Variants in EFCAB6 observed in about 807,000 individuals in gnomAD.
The protein encoded by EFCAB6 is EF-hand calcium-binding domain-containing protein 6.
EFCAB6 carries 156 observed loss-of-function variants against 169.8 expected under a neutral mutation model. The ratio of observed to expected loss-of-function variants is 0.92; its 90% CI spans 0.81 to 1.05. The LOEUF is 1.05. EFCAB6 is among the 50% of genes least tolerant of loss of function. The probability of loss-of-function intolerance (pLI) is 0.00; values close to 1 mark genes in which losing one functional copy is unlikely to be tolerated. For synonymous variants in EFCAB6, 698 were observed against 676.4 expected (o/e 1.03, Z -0.50); for missense variants, 1,800 against 1,829.1 (o/e 0.98, Z 0.29).
chr22:43,612,690 G>T (rs1000775085), intron 21 of EFCAB6, among the ~76,000 whole-genome samples: 1 of 152,016 alleles, frequency 6.6e-6, no homozygotes, highest in African/African-American at 2.4e-5. Context: ...TCAGGAGTTC[G>T]AGACCAGCCT....
chr22:43,603,614 T>C lies in EFCAB6; in HGVS notation c.2682-3351A>G, dbSNP rs764767171. ...CTTTCCGCTCAGTTTAGGCACTTAA[T>C]TCCCACATACATTTCAGAAGTATCT... On this transcript the variant is annotated intron_variant, in intron 22 of 31. Transcript: ENST00000262726. Among the ~76,000 whole-genome samples, 5 of 152,268 alleles carry C rather than the reference T, an allele frequency of 3.3e-5. No homozygotes were observed. In the South Asian group the frequency reaches 6.2e-4, roughly 19 times the overall value.
intron 6 of EFCAB6, among the ~76,000 whole-genome samples, chr22:43,745,707 T>C (rs2060537018): frequency 6.6e-6 from 1 of 152,214 alleles, no homozygotes; most frequent in South Asian, 2.1e-4. Context: ...TGAAAAAGGA[T>C]TTCTCTTACA....
At chr22:43,530,712 C>T (rs556052088) in intron 31 of EFCAB6, 103 bp downstream of exon 31, 3 of 1,558,828 alleles carry the variant, frequency 1.9e-6, no homozygotes, top group South Asian at 2.5e-5. Context: ...CAGGTCACAC[C>T]GGGCCTTCGG....
intron 29 of EFCAB6, chr22:43,535,192 C>T (rs2047312869): frequency 7.8e-6 from 2 of 255,662 alleles, no homozygotes; most frequent in Non-Finnish European, 7.4e-6. Context: ...CGTGTCAGGG[C>T]AGAGTCAGGT....
At chr22:43,651,353 C>T (rs2056457489) in intron 17 of EFCAB6, among the ~76,000 whole-genome samples, 2 of 152,238 alleles carry the variant, frequency 1.3e-5, no homozygotes, top group South Asian at 4.1e-4. Flanking sequence ...TGGCAGCTTC[C>T]ACATGGTGTT....
intron 21 of EFCAB6, among the ~76,000 whole-genome samples, chr22:43,614,101 A>G (rs886164831): frequency 5.0e-5 from 7 of 140,358 alleles, no homozygotes; most frequent in Admixed American, 8.0e-5. Context: ...CCAAATCACA[A>G]TCCCAGCAAA....
intron 26 of EFCAB6, among the ~76,000 whole-genome samples, chr22:43,557,202 C>T (rs1007651486): frequency 6.6e-6 from 1 of 152,106 alleles, no homozygotes; most frequent in Non-Finnish European, 1.5e-5. Flanking sequence ...CCACTTTTTG[C>T]CTTGGTTTCC....
intron 17 of EFCAB6, among the ~76,000 whole-genome samples, chr22:43,659,514 T>A (rs1040811826): frequency 6.6e-6 from 1 of 151,900 alleles, no homozygotes; most frequent in African/African-American, 2.4e-5. Flanking sequence ...GTAAAAATTA[T>A]CCGGGTGTGG....
At chr22:43,638,206 G>T (rs2147947101) in intron 17 of EFCAB6, among the ~76,000 whole-genome samples, 1 of 152,316 alleles carries the variant, frequency 6.6e-6, no homozygotes, top group African/African-American at 2.4e-5. Flanking sequence ...TTTCTAAGAT[G>T]AACACAGCAG....
intron 2 of EFCAB6, among the ~76,000 whole-genome samples, chr22:43,794,569 A>G (rs907857237): frequency 6.6e-6 from 1 of 152,228 alleles, no homozygotes; most frequent in South Asian, 2.1e-4. Context: ...CATATATTTG[A>G]TATGGCAGTA....
chr22:43,540,518 C>T lies in EFCAB6; in HGVS notation c.3649-161G>A, dbSNP rs369720427. On this transcript the variant is annotated intron_variant, in intron 27 of 31. Coordinates refer to ENST00000262726, the MANE Select transcript of EFCAB6 (RefSeq NM_022785.4). Reference sequence around the variant, plus strand: ...AAAAATAAAACGCCCATTTGGCCTTCGCTCGGCGGAGGCCTCAGGAAGACT... The same window carrying T: ...AAAAATAAAACGCCCATTTGGCCTTTGCTCGGCGGAGGCCTCAGGAAGACT... 115 of 1,532,024 alleles carry T rather than the reference C, an allele frequency of 7.5e-5. 1 individual carries two copies. In the East Asian group the frequency reaches 1.2e-3, roughly 15 times the overall value. The allele number at this position is 1,532,024 out of a possible 1,614,324, so 94.9% of individuals were successfully genotyped here. A position where few individuals can be genotyped will look rare whatever the true frequency, so the allele number is the denominator to read the frequency against.
At chr22:43,742,519 G>A (rs1451835332) in intron 6 of EFCAB6, among the ~76,000 whole-genome samples, 1 of 152,236 alleles carries the variant, frequency 6.6e-6, no homozygotes, top group South Asian at 2.1e-4. Flanking sequence ...ACGAGGAAAA[G>A]CACTGAAGAT....
chr22:43,678,947 A>AG (rs2057892017), intron 12 of EFCAB6, among the ~76,000 whole-genome samples: 1 of 152,186 alleles, frequency 6.6e-6, no homozygotes, highest in Admixed American at 6.5e-5. Context: ...GGTTCTCTTG[A>AG]GGGGTAAATT....
At chr22:43,740,698 C>T (rs963039958) in intron 6 of EFCAB6, among the ~76,000 whole-genome samples, 13 of 152,116 alleles carry the variant, frequency 8.5e-5, no homozygotes, top group African/African-American at 3.1e-4. Context: ...TGAGTGCAGC[C>T]GAGAGGGAAA....
At position 43,615,914 on chromosome 22, in the gene EFCAB6, T is replaced by A. The variant is rs1297642410; in HGVS notation, c.2474A>T (p.Gln825Leu). ...AGCTAGTTCTGAATCCGCAACCTTC[T>A]GTTTTGGTCTTAAAAGAAAAAAAAT... Reference protein sequence around the residue: ...EAPQRLIRPKQKVADSELACE... With the variant: ...EAPQRLIRPKLKVADSELACE... Residue 825 changes from glutamine to leucine, a missense_variant, in exon 21 of 32, where the codon CAG (glutamine) becomes CTG (leucine). Coordinates refer to ENST00000262726, the MANE Select transcript of EFCAB6 (RefSeq NM_022785.4). 6.2e-7 allele frequency: 1 copy of A among 1,612,846 alleles called. No individual in the cohort carries two copies. The highest frequency in any genetic ancestry group is 8.5e-7 in the Non-Finnish European group (1 of 1,179,722).
chr22:43,741,834 CT>C (rs1211929686), intron 6 of EFCAB6, among the ~76,000 whole-genome samples: 1 of 152,188 alleles, frequency 6.6e-6, no homozygotes, highest in African/African-American at 2.4e-5. Flanking sequence ...ACCCTGCCAT[CT>C]TGGTTTATTT....
intron 5 of EFCAB6, 104 bp from the exon 6 acceptor site, chr22:43,755,936 T>C: frequency 8.8e-7 from 1 of 1,132,202 alleles, no homozygotes. Context: ...ATAATCTATT[T>C]TAAAATGCAA....
intron 2 of EFCAB6, among the ~76,000 whole-genome samples, chr22:43,783,240 A>G (rs1375253666): frequency 6.6e-6 from 1 of 152,208 alleles, no homozygotes; most frequent in Non-Finnish European, 1.5e-5. Context: ...GAATAGGTGG[A>G]TAACGGGGCA....
At chr22:43,681,748 T>A (rs1267994282) in intron 12 of EFCAB6, among the ~76,000 whole-genome samples, 1 of 152,178 alleles carries the variant, frequency 6.6e-6, no homozygotes, top group Non-Finnish European at 1.5e-5. Flanking sequence ...AATTCTAATG[T>A]TTTCTGGGAA....
Sources: gnomAD v4.1 joint callset for allele counts (sites outside exome capture counted in the v4.1 genomes callset) on GRCh38, gnomAD v4.1.1 for gene constraint, MANE v1.5 for transcripts, NCBI Gene and HGNC (gene_info 2026-07-23, HGNC 2026-07-21) for gene names.